The following PLXDC2 variants were observed in gnomAD, a reference collection of about 807,000 sequenced individuals.
PLXDC2 encodes plexin domain containing 2, also known as plexin domain-containing protein 2.
PLXDC2 carries 40 observed loss-of-function variants against 68.9 expected under a neutral mutation model. That is an observed-to-expected ratio of 0.58 (90% CI 0.45 to 0.76). The LOEUF (loss-of-function observed/expected upper bound fraction) is 0.76. Among genes scored for constraint, PLXDC2 ranks in the 30% least tolerant of loss-of-function variants. PLXDC2 has a pLI of 0.00. For missense variants in PLXDC2, 644 were observed against 661.9 expected (o/e 0.97, Z 0.30); for synonymous variants, 243 against 234.2 (o/e 1.04, Z -0.34).
At chr10:19,966,801 C>G (rs1164329057) in intron 1 of PLXDC2, among the ~76,000 whole-genome samples, 1 of 117,538 alleles carries the variant, frequency 8.5e-6, no homozygotes, top group East Asian at 2.9e-4. Context: ...GAACGGTTCG[C>G]GTTACCATTT....
intron 4 of PLXDC2, among the ~76,000 whole-genome samples, chr10:20,132,264 C>T (rs74482292): frequency 6.6e-6 from 1 of 151,968 alleles, no homozygotes; most frequent in Non-Finnish European, 1.5e-5. Context: ...TTTGACCTAA[C>T]GTGGATCTAT....
At chr10:20,174,416 G>T (rs1281523340) in intron 7 of PLXDC2, among the ~76,000 whole-genome samples, 1 of 152,042 alleles carries the variant, frequency 6.6e-6, no homozygotes, top group Non-Finnish European at 1.5e-5. Context: ...AAATGTATAT[G>T]CATCTTTCAG....
At chr10:20,221,941 TAA>T (rs1225579284) in intron 12 of PLXDC2, among the ~76,000 whole-genome samples, 3 of 152,220 alleles carry the variant, frequency 2.0e-5, no homozygotes, top group Non-Finnish European at 4.4e-5. Flanking sequence ...TTTTTTAAAA[TAA>T]GTTTTATTAT....
At chr10:20,195,728 A>G (rs1834828406) in intron 9 of PLXDC2, among the ~76,000 whole-genome samples, 2 of 152,122 alleles carry the variant, frequency 1.3e-5, no homozygotes, top group Admixed American at 1.3e-4. Flanking sequence ...CATCTAAAAT[A>G]ATTTCTAGTT....
chr10:20,076,613 G>C (rs373499188), intron 4 of PLXDC2, among the ~76,000 whole-genome samples: 191 of 152,112 alleles, frequency 1.3e-3, no homozygotes, highest in African/African-American at 4.4e-3. Context: ...GTCCTGTGCT[G>C]CCTTTTTAGT....
At chr10:19,906,757 G>A (rs769562437) in intron 1 of PLXDC2, among the ~76,000 whole-genome samples, 3 of 147,232 alleles carry the variant, frequency 2.0e-5, no homozygotes, top group African/African-American at 7.3e-5. Flanking sequence ...TGCTGTGTAC[G>A]TGTGTGTGTT....
chr10:19,966,447 A>ATAT (rs1834263989), intron 1 of PLXDC2, among the ~76,000 whole-genome samples: 1 of 22,634 alleles, frequency 4.4e-5, no homozygotes. Flanking sequence ...TATATATAAA[A>ATAT]CATGTGTGTA....
Position 19,986,803 on chromosome 10 carries a change from C to T in PLXDC2, c.113-14972C>T, listed in dbSNP as rs117721905. The stretch of plus-strand genomic sequence containing the variant: ...ATTTTGCTTTTCCTCTGGGGAAATG[C>T]GAAAGAAAATTATCTGTGTAGAATG... On this transcript the variant is annotated intron_variant, in intron 1 of 13. Coordinates refer to ENST00000377252, the MANE Select transcript of PLXDC2 (RefSeq NM_032812.9). Among the ~76,000 whole-genome samples, 837 of 152,070 alleles carry T rather than the reference C, an allele frequency of 5.5e-3. 2 individuals carry two copies. The highest frequency in any genetic ancestry group is 7.1e-3 in the Non-Finnish European group (482 of 68,012).
chr10:20,138,721 T>C (rs1833964570), intron 4 of PLXDC2, among the ~76,000 whole-genome samples: 1 of 152,148 alleles, frequency 6.6e-6, no homozygotes, highest in Non-Finnish European at 1.5e-5. Context: ...AAGACCAGCC[T>C]AGCCAACATG....
intron 13 of PLXDC2, among the ~76,000 whole-genome samples, chr10:20,251,725 T>C (rs927637880): frequency 2.6e-5 from 4 of 152,206 alleles, no homozygotes; most frequent in South Asian, 2.1e-4. Flanking sequence ...ATTTGGACTA[T>C]AACGAAATAG....
At chr10:19,957,042 A>G (rs143750381) in intron 1 of PLXDC2, among the ~76,000 whole-genome samples, 4,010 of 152,298 alleles carry the variant, frequency 0.026, 80 homozygotes, top group Middle Eastern at 0.041. Context: ...TCCTGTCTTC[A>G]TATAGGGCAA....
At chr10:20,221,549 A>G (rs1835212463) in intron 12 of PLXDC2, among the ~76,000 whole-genome samples, 1 of 152,238 alleles carries the variant, frequency 6.6e-6, no homozygotes, top group African/African-American at 2.4e-5. Context: ...ACTAGTGTTA[A>G]GATAAACGGT....
intron 1 of PLXDC2, among the ~76,000 whole-genome samples, chr10:19,883,715 G>C (rs1837782084): frequency 6.6e-6 from 1 of 151,676 alleles, no homozygotes; most frequent in African/African-American, 2.4e-5. Context: ...AATTCAGAGA[G>C]AAGAATGGGT....
intron 9 of PLXDC2, among the ~76,000 whole-genome samples, chr10:20,208,081 C>T (rs1013629736): frequency 6.6e-6 from 1 of 152,016 alleles, no homozygotes; most frequent in African/African-American, 2.4e-5. Context: ...AAAAGTTGAA[C>T]AGCTTCCATT....
At chr10:20,024,528 A>C (rs1350951459) in intron 2 of PLXDC2, among the ~76,000 whole-genome samples, 7 of 152,174 alleles carry the variant, frequency 4.6e-5, no homozygotes, top group African/African-American at 2.4e-5. Context: ...TGGAGTAATA[A>C]ACTTTTTTTC....
At chr10:19,840,762 T>C (rs564845786) in intron 1 of PLXDC2, among the ~76,000 whole-genome samples, 1 of 152,242 alleles carries the variant, frequency 6.6e-6, no homozygotes, top group African/African-American at 2.4e-5. Context: ...AAATATCATA[T>C]GTGTGATATT....
At position 20,281,867 on chromosome 10, in the gene PLXDC2, T is replaced by C. The variant is rs1836086236; in HGVS notation, c.*2048T>C. The C allele has an allele frequency of 6.6e-6, 1 of 152,154 alleles. No homozygotes were observed. Among genetic ancestry groups the C allele is most frequent in the Admixed American group, 6.5e-5 (1 of 15,268 alleles). 9.4% of individuals were successfully genotyped at this position (152,154 alleles called of 1,614,324 possible). A position where few individuals can be genotyped will look rare whatever the true frequency, so the allele number is the denominator to read the frequency against. On this transcript the variant is annotated 3_prime_UTR_variant, in exon 14 of 14. Transcript: ENST00000377252. ...ACGACTTCCTTTTAGGATAAAATGA[T>C]GCTTCTTTCACTACCTTTTGTGGTA... is the stretch of plus-strand genomic sequence containing the variant.
At chr10:20,223,366 G>A (rs1301355051) in intron 12 of PLXDC2, among the ~76,000 whole-genome samples, 1 of 148,636 alleles carries the variant, frequency 6.7e-6, no homozygotes. Context: ...CGGCTGGAGT[G>A]CAGTGACGCG....
chr10:19,881,116 T>C lies in PLXDC2; in HGVS notation c.112+63925T>C, dbSNP rs117808540. Among the ~76,000 whole-genome samples, 507 of 151,698 alleles carry C rather than the reference T, an allele frequency of 3.3e-3. 3 individuals are homozygous for C. The highest frequency in any genetic ancestry group is 6.9e-3 in the Middle Eastern group (2 of 290). On this transcript the variant is annotated intron_variant, in intron 1 of 13. Transcript: ENST00000377252. ...TCTGAAATTTATGTGTAAGATGCGATTTTTTTTTCTTTTTTTTGAGACGGA... is the reference window on the plus strand; with the variant it reads ...TCTGAAATTTATGTGTAAGATGCGACTTTTTTTTCTTTTTTTTGAGACGGA...
Sources: allele counts gnomAD v4.1 joint callset (sites outside exome capture counted in the v4.1 genomes callset), GRCh38; gene constraint gnomAD v4.1.1; transcripts MANE v1.5; gene names NCBI Gene and HGNC (gene_info 2026-07-23, HGNC 2026-07-21).